Variants in USP54 observed in about 807,000 individuals in gnomAD.
The protein encoded by USP54 is ubiquitin specific peptidase 54.
A neutral mutation model predicts 170.5 loss-of-function variants in USP54; 87 were observed. The ratio of observed to expected loss-of-function variants is 0.51; its 90% confidence interval spans 0.43 to 0.61. USP54 has a LOEUF of 0.61. Among genes scored for constraint, USP54 ranks in the 20% least tolerant of loss-of-function variants. The pLI, the probability that USP54 is intolerant of heterozygous loss-of-function variation, is 0.00. For synonymous variants in USP54, 655 were observed against 742.8 expected (o/e 0.88, Z 1.92); for missense variants, 1,786 against 2,047.8 (o/e 0.87, Z 2.47).
At chr10:73,615,911 A>G (rs1430639436) in intron 1 of USP54, among the ~76,000 whole-genome samples, 4 of 147,436 alleles carry the variant, frequency 2.7e-5, no homozygotes, top group Non-Finnish European at 5.9e-5. Flanking sequence ...GTCTCAAAAA[A>G]AAAAAAAAAA....
chr10:73,587,349 C>T lies in USP54; in HGVS notation c.-582+3929G>A, dbSNP rs1589319823. Among the ~76,000 whole-genome samples the T allele has an allele frequency of 2.0e-5, 3 of 152,072 alleles. No individual in the cohort carries two copies. In the East Asian group the frequency reaches 5.8e-4, roughly 29 times the overall value. On this transcript the variant is annotated intron_variant, in intron 1 of 23. Transcript: ENST00000687698. ...AATTAGCCGGGTGTGGTGGCGAGCACCTGTGGTCCCAGCTACTCGGGAGGA... is the reference window on the plus strand; with the variant it reads ...AATTAGCCGGGTGTGGTGGCGAGCATCTGTGGTCCCAGCTACTCGGGAGGA...
intron 5 of USP54, among the ~76,000 whole-genome samples, chr10:73,545,162 T>C (rs1362391398): frequency 6.6e-6 from 1 of 152,142 alleles, no homozygotes; most frequent in Non-Finnish European, 1.5e-5. Context: ...TTAATTATCT[T>C]TAGAAATGGA....
Position 73,517,185 on chromosome 10 carries a change from A to C in USP54, c.3241T>G (p.Ser1081Ala). 1 of 1,614,200 alleles carries C rather than the reference A, an allele frequency of 6.2e-7. No homozygotes were observed. The highest frequency in any genetic ancestry group is 8.5e-7 in the Non-Finnish European group (1 of 1,180,038). The change falls in exon 20 of 24, where the codon TCA (serine) becomes GCA (alanine). Residue 1081 changes from serine (S) to alanine (A), a missense_variant. Ser to Ala is a moderately conservative substitution (Grantham distance 99). This residue lies in a region of USP54 where 1,418 missense variants were observed against 1,569.0 expected (regional missense o/e 0.90). Transcript: ENST00000687698. ...TCHPIMPVAS[S>A]FVLHCPDPVQ... ...GGATCAGGACAGTGAAGCACAAATGAAGAAGCAACAGGCATTATGGGGTGG... is the reference window on the plus strand; with the variant it reads ...GGATCAGGACAGTGAAGCACAAATGCAGAAGCAACAGGCATTATGGGGTGG...
intron 4 of USP54, among the ~76,000 whole-genome samples, chr10:73,548,297 T>A (rs2068345002): frequency 6.6e-6 from 1 of 152,120 alleles, no homozygotes; most frequent in Non-Finnish European, 1.5e-5. Flanking sequence ...TGTAAATTAG[T>A]TCAACACTGT....
intron 16 of USP54, among the ~76,000 whole-genome samples, chr10:73,524,546 C>G (rs984855077): frequency 6.6e-6 from 1 of 152,096 alleles, no homozygotes; most frequent in Non-Finnish European, 1.5e-5. Context: ...CGCCATTGCA[C>G]TCCAGCCTGG....
intron 11 of USP54, among the ~76,000 whole-genome samples, chr10:73,535,047 G>A (rs950131611): frequency 2.0e-5 from 3 of 152,084 alleles, no homozygotes; most frequent in Admixed American, 6.5e-5. Context: ...AAAACCTATC[G>A]GGGGAAAAGC....
At chr10:73,553,539 G>A (rs2070160825) in intron 4 of USP54, among the ~76,000 whole-genome samples, 2 of 152,096 alleles carry the variant, frequency 1.3e-5, no homozygotes, top group African/African-American at 4.8e-5. Flanking sequence ...CTTTCCCAGA[G>A]GGAGATCCTG....
chr10:73,560,663 CAAAAAAAAAAAAA>C (rs751168962), intron 4 of USP54, among the ~76,000 whole-genome samples: 5 of 16,472 alleles, frequency 3.0e-4, no homozygotes, highest in South Asian at 3.4e-3. Flanking sequence ...AACTCCGTCT[CAAAAAAAAAAAAA>C]AAAAAAAAAA....
intron 1 of USP54, among the ~76,000 whole-genome samples, chr10:73,587,367 C>A (rs747008763): frequency 2.0e-5 from 3 of 151,890 alleles, no homozygotes; most frequent in African/African-American, 7.3e-5. Flanking sequence ...CCCAGCTACT[C>A]GGGAGGATGA....
At chr10:73,507,851 A>T (rs957958670) in intron 20 of USP54, among the ~76,000 whole-genome samples, 3 of 151,856 alleles carry the variant, frequency 2.0e-5, no homozygotes, top group Non-Finnish European at 2.9e-5. Flanking sequence ...CATTAAAAAA[A>T]TTAGCCAGGT....
intron 4 of USP54, among the ~76,000 whole-genome samples, chr10:73,563,094 G>A (rs1488320683): frequency 6.6e-6 from 1 of 152,018 alleles, no homozygotes; most frequent in Non-Finnish European, 1.5e-5. Context: ...TGGGACCACA[G>A]GCACACACCG....
In USP54 at chr10:73,597,671, G is replaced by A. The variant is rs545938050; in HGVS notation, c.-17-21996C>T. 4.6e-5 allele frequency among the ~76,000 whole-genome samples: 7 copies of A among 152,140 alleles called. No individual in the cohort carries two copies. In the South Asian group the frequency reaches 6.2e-4, roughly 14 times the overall value. On this transcript the variant is annotated intron_variant, in intron 1 of 22. Transcript: ENST00000339859. Reference sequence around the variant, plus strand: ...ATAATTAAACTCTGGTCTCCTGTGCGGCCAGCTCTATGTGAATTAAACTCT... The same window carrying A: ...ATAATTAAACTCTGGTCTCCTGTGCAGCCAGCTCTATGTGAATTAAACTCT...
Position 73,530,320 on chromosome 10 carries a change from G to A in USP54, c.1651C>T (p.His551Tyr). ...DKKPPRTLPL[H>Y]SRDWEIESTS... is the part of the protein sequence containing the mutation. ...CTCTCTATTTCCCAGTCACGAGAGT[G>A]TAAAGGCAGGGTCCTAGGAGGTTTT... Residue 551 changes from histidine to tyrosine, a missense_variant, in exon 14 of 24, where the codon CAC (histidine) becomes TAC (tyrosine). Coordinates refer to ENST00000687698, the MANE Select transcript of USP54 (RefSeq NM_001391956.1). 2 of 1,614,132 alleles carry A rather than the reference G, an allele frequency of 1.2e-6. No individual in the cohort carries two copies. Among genetic ancestry groups the A allele is most frequent in the Non-Finnish European group, 1.7e-6 (2 of 1,180,036 alleles).
chr10:73,601,014 C>A (rs1050966447), intron 1 of USP54, among the ~76,000 whole-genome samples: 1 of 152,056 alleles, frequency 6.6e-6, no homozygotes, highest in East Asian at 1.9e-4. Flanking sequence ...AGCAAACCTG[C>A]GCATGTACCC....
intron 4 of USP54, among the ~76,000 whole-genome samples, chr10:73,550,743 A>C (rs2069098937): frequency 6.6e-6 from 1 of 152,164 alleles, no homozygotes; most frequent in South Asian, 2.1e-4. Context: ...AAGCAGAAAA[A>C]CTTTCTTAAG....
Position 73,516,491 on chromosome 10 carries a change from G to A in USP54, c.3935C>T (p.Thr1312Ile), listed in dbSNP as rs2061110047. Residue 1312 changes from threonine (T) to isoleucine (I), a missense_variant, in exon 20 of 24, where the codon ACA becomes ATA. Physicochemically the swap from Thr to Ile is moderately conservative, Grantham distance 89. Transcript: ENST00000687698. ...ILLHPHWNQDTEQETSELESL... is the reference protein window; with the variant it reads ...ILLHPHWNQDIEQETSELESL... ...CTCCAATTCTGAGGTCTCCTGCTCT[G>A]TGTCTTGGTTCCAATGTGGATGCAA... 6.2e-7 allele frequency: 1 copy of A among 1,614,028 alleles called. No individual in the cohort carries two copies. The highest frequency in any genetic ancestry group is 8.5e-7 in the Non-Finnish European group (1 of 1,180,046).
In USP54 at chr10:73,500,857, A is replaced by G. The variant is rs1278699301; in HGVS notation, c.4312-19T>C. On this transcript the variant is annotated intron_variant, in intron 22 of 23. Transcript: ENST00000687698. ...ATGAATCCTTATAATGAGACAAGAC[A>G]AAAAAACATAGAGATGAGGATTAAC... 6.3e-7 allele frequency: 1 copy of G among 1,586,098 alleles called. No individual in the cohort carries two copies. The highest frequency in any genetic ancestry group is 1.2e-5 in the South Asian group (1 of 86,830).
chr10:73,517,926 G>A (rs2061307750), intron 19 of USP54, among the ~76,000 whole-genome samples, 179 bp from the exon 20 acceptor site: 2 of 152,148 alleles, frequency 1.3e-5, no homozygotes, highest in Admixed American at 6.6e-5. Context: ...AAGGCACATG[G>A]TCAGCTCACA....
intron 1 of USP54, among the ~76,000 whole-genome samples, chr10:73,586,599 T>C (rs189939434): frequency 5.3e-4 from 81 of 152,350 alleles, no homozygotes; most frequent in African/African-American, 1.8e-3. Flanking sequence ...GAACAACCAA[T>C]TCTAACATCC....
Sources: allele counts gnomAD v4.1 joint callset (sites outside exome capture counted in the v4.1 genomes callset), GRCh38; gene constraint gnomAD v4.1.1; regional missense constraint gnomAD v4.1.1; transcripts MANE v1.5; gene names NCBI Gene and HGNC (gene_info 2026-07-23, HGNC 2026-07-21).